Variants in CCDC33 observed in about 807,000 individuals in gnomAD.
CCDC33 encodes the protein coiled-coil domain containing 33, also known as coiled-coil domain-containing protein 33.
In CCDC33, 94 loss-of-function variants were observed where a neutral mutation model predicts 91.9. The observed-to-expected ratio is 1.02, with a 90% CI of 0.87 to 1.21. The LOEUF is 1.21. CCDC33 is among the 50% of genes most tolerant of loss of function. The pLI, the probability that CCDC33 is intolerant of heterozygous loss-of-function variation, is 0.00. For synonymous variants in CCDC33, 396 were observed against 374.5 expected, an observed-to-expected ratio of 1.06 and a Z score of -0.66; for missense variants, 940 against 935.5, an observed-to-expected ratio of 1.00 and a Z score of -0.06.
Position 74,236,731 on chromosome 15 carries a change from A to G in CCDC33, c.12A>G (p.Lys4=). Residue 4 remains lysine, a synonymous_variant, in exon 1 of 19, where the codon AAA becomes AAG. Transcript: ENST00000398814. ...CTGGCCTCAAGAGGATGGGACTGAA[A>G]AACAAAAAGGTAAGGCCAGGGGCAT... is the stretch of plus-strand genomic sequence containing the variant. MGL[K]NKKNTEDPEE... is the part of the protein sequence containing the mutation. 1.2e-6 allele frequency: 2 copies of G among 1,613,988 alleles called. No individual in the cohort carries two copies. Among genetic ancestry groups the G allele is most frequent in the Non-Finnish European group, 8.5e-7 (1 of 1,179,926 alleles).
intron 2 of CCDC33, chr15:74,221,216 GTTTTTTTT>G (rs56039521): frequency 2.5e-4 from 169 of 676,120 alleles, no homozygotes; most frequent in South Asian, 4.0e-4. Context: ...TGTGGCACTG[GTTTTTTTT>G]TTTTTTTTTT....
chr15:74,280,675 C>A lies in CCDC33; in HGVS notation c.897C>A (p.Gly299=). The A allele has an allele frequency of 2.0e-6, 3 of 1,488,598 alleles. No homozygotes were observed. Among genetic ancestry groups the A allele is most frequent in the East Asian group, 2.6e-5 (1 of 38,904 alleles). The allele number at this position is 1,488,598 out of a possible 1,614,324, so 92.2% of individuals were successfully genotyped here. The change falls in exon 9 of 19, where the codon GGC becomes GGA. Residue 299 remains glycine (G), a synonymous_variant. Coordinates refer to ENST00000398814, the MANE Select transcript of CCDC33 (RefSeq NM_025055.5). ...LEYYSSTSMK[G]SQPWTLNQPL... is the part of the protein sequence containing the mutation. ...TTGATCCTTCCCCCACAGTGAAAGG[C>A]AGCCAGCCGTGGACCCTCAACCAGC...
At chr15:74,270,860 G>A (rs574234803) in intron 5 of CCDC33, among the ~76,000 whole-genome samples, 7 of 152,248 alleles carry the variant, frequency 4.6e-5, no homozygotes, top group Non-Finnish European at 1.0e-4. Context: ...CTGGGACCCC[G>A]CTCGGCTCTC....
chr15:74,320,687 G>A (rs1384552386), intron 11 of CCDC33, among the ~76,000 whole-genome samples: 3 of 152,164 alleles, frequency 2.0e-5, no homozygotes, highest in African/African-American at 7.2e-5. Flanking sequence ...CCCACCCCCA[G>A]GGCAATGCCA....
chr15:74,320,375 C>T (rs1431620902), intron 11 of CCDC33, among the ~76,000 whole-genome samples: 1 of 152,142 alleles, frequency 6.6e-6, no homozygotes, highest in African/African-American at 2.4e-5. Flanking sequence ...GGCCCAGCTC[C>T]ACCCCTCCCC....
chr15:74,284,506 A>G (rs2059433695), intron 10 of CCDC33, among the ~76,000 whole-genome samples: 1 of 152,176 alleles, frequency 6.6e-6, no homozygotes, highest in African/African-American at 2.4e-5. Flanking sequence ...ATTGTTCTCT[A>G]TGCAACTGCA....
chr15:74,313,399 C>A (rs912967379), intron 11 of CCDC33, among the ~76,000 whole-genome samples: 3 of 123,042 alleles, frequency 2.4e-5, no homozygotes, highest in African/African-American at 8.0e-5. Flanking sequence ...GCACAGATTT[C>A]TTTCTTTCTT....
intron 4 of CCDC33, among the ~76,000 whole-genome samples, chr15:74,267,434 C>A (rs2076195574): frequency 6.6e-6 from 1 of 152,242 alleles, no homozygotes; most frequent in Admixed American, 6.5e-5. Context: ...GACTGAGGGG[C>A]CTGAGGCTCC....
At chr15:74,239,153 G>C (rs2075270010) in intron 1 of CCDC33, among the ~76,000 whole-genome samples, 1 of 151,814 alleles carries the variant, frequency 6.6e-6, no homozygotes, top group African/African-American at 2.4e-5. Flanking sequence ...CCCCGCTCCA[G>C]CTAGTGTGAC....
chr15:74,217,456 A>G (rs1227240283), exon 1 of CCDC33: 1 of 1,289,778 alleles, frequency 7.8e-7, no homozygotes, highest in Non-Finnish European at 1.0e-6. Flanking sequence ...GCTGGGGTGC[A>G]GTTGCAAGTG....
At chr15:74,226,827 C>CAAAAA (rs1167716008) in intron 2 of CCDC33, among the ~76,000 whole-genome samples, 1 of 83,710 alleles carries the variant, frequency 1.2e-5, no homozygotes, top group Non-Finnish European at 2.4e-5. Context: ...GACTCCATCT[C>CAAAAA]AAAAAAAAAA....
chr15:74,329,708 G>A (rs1261078711), intron 11 of CCDC33, among the ~76,000 whole-genome samples: 3 of 152,220 alleles, frequency 2.0e-5, no homozygotes, highest in Non-Finnish European at 4.4e-5. Context: ...TTGGAGGGCT[G>A]ATGCCCAGTC....
intron 2 of CCDC33, among the ~76,000 whole-genome samples, chr15:74,228,316 C>T (rs1365593148): frequency 1.3e-5 from 2 of 152,208 alleles, no homozygotes; most frequent in Non-Finnish European, 2.9e-5. Flanking sequence ...CTCTCTGCAC[C>T]TCCTTTCCTC....
chr15:74,205,393 T>G (rs1567202307), intron 1 of CCDC33, among the ~76,000 whole-genome samples: 2 of 151,684 alleles, frequency 1.3e-5, no homozygotes, highest in South Asian at 2.1e-4. Flanking sequence ...TGATGGAAGG[T>G]GAAGGGGGGT....
At chr15:74,275,745 C>T (rs772488308) in intron 7 of CCDC33, among the ~76,000 whole-genome samples, 4 of 152,106 alleles carry the variant, frequency 2.6e-5, no homozygotes, top group Non-Finnish European at 5.9e-5. Context: ...CTGGCTCACA[C>T]TGCAACCTCT....
intron 8 of CCDC33, 103 bp from the exon 9 acceptor site, chr15:74,280,565 G>C: frequency 1.9e-5 from 26 of 1,348,566 alleles, no homozygotes; most frequent in Non-Finnish European, 2.6e-5. Context: ...CCAGGAGGCA[G>C]GAAAGCAGGC....
chr15:74,254,630 T>G (rs1243380360), intron 2 of CCDC33, among the ~76,000 whole-genome samples: 1 of 152,136 alleles, frequency 6.6e-6, no homozygotes, highest in Non-Finnish European at 1.5e-5. Context: ...CTCTCCTGAT[T>G]TTCTACCCTG....
intron 3 of CCDC33, among the ~76,000 whole-genome samples, chr15:74,263,472 G>T (rs921587276): frequency 6.6e-6 from 1 of 152,224 alleles, no homozygotes; most frequent in Non-Finnish European, 1.5e-5. Flanking sequence ...AGAGCAGAAA[G>T]CCAGCTGAAG....
At chr15:74,329,305 A>G (rs2060377494) in intron 11 of CCDC33, among the ~76,000 whole-genome samples, 1 of 152,128 alleles carries the variant, frequency 6.6e-6, no homozygotes, top group Admixed American at 6.5e-5. Context: ...CTCATGGCAG[A>G]ATTGCACGGC....
Sources: gnomAD v4.1 joint callset for allele counts (sites outside exome capture counted in the v4.1 genomes callset) on GRCh38, gnomAD v4.1.1 for gene constraint, MANE v1.5 for transcripts, NCBI Gene and HGNC (gene_info 2026-07-23, HGNC 2026-07-21) for gene names.